Variants in TNFRSF10B observed in about 807,000 individuals in gnomAD.
TNFRSF10B encodes the protein TNF receptor superfamily member 10b.
TNFRSF10B carries 35 observed loss-of-function variants against 41.4 expected under a neutral mutation model. That is an observed-to-expected ratio of 0.85 (90% CI 0.65 to 1.12). The LOEUF (loss-of-function observed/expected upper bound fraction) is 1.12, where lower values mean the gene tolerates loss of function less well. Ranked by LOEUF, TNFRSF10B falls within the 50% of genes most tolerant of loss-of-function variation. The probability of loss-of-function intolerance (pLI) is 0.00; values close to 1 mark genes in which losing one functional copy is unlikely to be tolerated. For synonymous variants in TNFRSF10B, 230 were observed against 215.5 expected (o/e 1.07, Z -0.59); for missense variants, 584 against 552.7 (o/e 1.06, Z -0.57).
At chr8:23,068,249 GCAGC>G in intron 1 of TNFRSF10B, 1 of 168,062 alleles carries the variant, frequency 6.0e-6, no homozygotes, top group Non-Finnish European at 1.3e-5. Context: ...CCACTGGGCC[GCAGC>G]GACCACAGGG....
At chr8:23,036,838 C>T (rs568617296) in intron 2 of TNFRSF10B, among the ~76,000 whole-genome samples, 400 of 152,142 alleles carry the variant, frequency 2.6e-3, no homozygotes, top group Non-Finnish European at 4.4e-3. Flanking sequence ...AGCGAAACTC[C>T]GTCTCAAAAA....
intron 2 of TNFRSF10B, among the ~76,000 whole-genome samples, chr8:23,041,815 G>C (rs1272843411): frequency 1.3e-5 from 2 of 152,082 alleles, no homozygotes; most frequent in Non-Finnish European, 2.9e-5. Context: ...CTCTAGGATG[G>C]AAGTTCTCCA....
intron 2 of TNFRSF10B, among the ~76,000 whole-genome samples, chr8:23,040,147 C>T (rs1267388017): frequency 6.6e-6 from 1 of 150,696 alleles, no homozygotes; most frequent in Non-Finnish European, 1.5e-5. Context: ...CACCACTGCA[C>T]TCCAGCCTGG....
At chr8:23,067,861 T>C (rs1585232229) in intron 1 of TNFRSF10B, among the ~76,000 whole-genome samples, 1 of 152,286 alleles carries the variant, frequency 6.6e-6, no homozygotes, top group East Asian at 1.9e-4. Context: ...GCCCACACAC[T>C]TCCCCACTCT....
At chr8:23,030,206 G>T (rs1456717578) in intron 3 of TNFRSF10B, among the ~76,000 whole-genome samples, 1 of 152,204 alleles carries the variant, frequency 6.6e-6, no homozygotes, top group Non-Finnish European at 1.5e-5. Flanking sequence ...CTGAGATCCA[G>T]CCCTGTCCAC....
intron 1 of TNFRSF10B, chr8:23,049,983 T>A (rs1585221547): frequency 6.6e-6 from 1 of 152,266 alleles, no homozygotes; most frequent in African/African-American, 2.4e-5. Context: ...AGCTGTCAGG[T>A]GAGGTTTCCC....
rs1554508148 is a variant in TNFRSF10B, at chr8:23,029,601, C to T, written c.476+9G>A. 6.2e-7 allele frequency: 1 copy of T among 1,606,246 alleles called. No individual in the cohort carries two copies. The highest frequency in any genetic ancestry group is 1.1e-5 in the South Asian group (1 of 89,978). On this transcript the variant is annotated intron_variant, in intron 4 of 8. Transcript: ENST00000276431. ...TGGAGCTACTGGGAGCCCCCGGCTC[C>T]TGTCTCACCCTGTGCGGCACTTCCG...
rs570336334 is a variant in TNFRSF10B, at chr8:23,020,795, C to T, written c.*1876G>A. 2.5e-4 allele frequency: 114 copies of T among 454,094 alleles called. No individual in the cohort carries two copies. The highest frequency in any genetic ancestry group is 1.3e-3 in the East Asian group (18 of 14,400). 28.1% of individuals were successfully genotyped at this position (454,094 alleles called of 1,614,324 possible). Reference sequence around the variant, plus strand: ...GTGGAAGGGACAAGGGACCTGGGACCGGACTGGCACCTTCTGAGCCCTGAG... The same window carrying T: ...GTGGAAGGGACAAGGGACCTGGGACTGGACTGGCACCTTCTGAGCCCTGAG... On this transcript the variant is annotated 3_prime_UTR_variant, in exon 9 of 9. Coordinates refer to ENST00000276431, the MANE Select transcript of TNFRSF10B (RefSeq NM_003842.5).
chr8:23,032,210 A>C (rs954111153), intron 2 of TNFRSF10B, among the ~76,000 whole-genome samples: 3 of 152,224 alleles, frequency 2.0e-5, no homozygotes, highest in Non-Finnish European at 4.4e-5. Context: ...TATATTAGAC[A>C]GTGCCATCTT....
Position 23,043,337 on chromosome 8 carries a change from T to C in TNFRSF10B, c.145-94A>G, listed in dbSNP as rs186668364. 3,988 of 896,158 alleles carry C rather than the reference T, an allele frequency of 4.5e-3. 14 individuals carry two copies. The highest frequency in any genetic ancestry group is 5.8e-3 in the Non-Finnish European group (3,207 of 548,992). 55.5% of individuals were successfully genotyped at this position (896,158 alleles called of 1,614,324 possible). On this transcript the variant is annotated intron_variant, in intron 1 of 8. Transcript: ENST00000276431. Reference sequence around the variant, plus strand: ...TTCTCTTGAGCCCAGGCACCCAAGCTAAACAGAACCCTCATCTTTCTTGCA... The same window carrying C: ...TTCTCTTGAGCCCAGGCACCCAAGCCAAACAGAACCCTCATCTTTCTTGCA...
At position 23,020,244 on chromosome 8, in the gene TNFRSF10B, T is replaced by C. The variant is rs748748158; in HGVS notation, c.*2427A>G. On this transcript the variant is annotated 3_prime_UTR_variant, in exon 9 of 9. Transcript: ENST00000276431. ...TATAACACATTTCAAATAGGGACCT[T>C]TGACAGGGCAGAAGCATGAAAGGAC... is the stretch of plus-strand genomic sequence containing the variant. 15 of 453,892 alleles carry C rather than the reference T, an allele frequency of 3.3e-5. No individual in the cohort carries two copies. The highest frequency in any genetic ancestry group is 2.3e-4 in the South Asian group (15 of 64,468). The allele number at this position is 453,892 out of a possible 1,614,324, so 28.1% of individuals were successfully genotyped here.
chr8:23,046,576 A>C (rs1217285009), intron 1 of TNFRSF10B, among the ~76,000 whole-genome samples: 1 of 151,224 alleles, frequency 6.6e-6, no homozygotes, highest in Non-Finnish European at 1.5e-5. Context: ...CATTTTTCAT[A>C]GAAATAGAGA....
intron 1 of TNFRSF10B, among the ~76,000 whole-genome samples, chr8:23,062,175 G>T (rs1169726080): frequency 6.6e-6 from 1 of 151,996 alleles, no homozygotes; most frequent in Non-Finnish European, 1.5e-5. Flanking sequence ...TAGTATTGAA[G>T]AATCAATGTT....
chr8:23,027,503 T>TG (rs1429109704), intron 6 of TNFRSF10B: 2 of 783,862 alleles, frequency 2.6e-6, no homozygotes, highest in Non-Finnish European at 4.1e-6. Flanking sequence ...GGGTGCAGGC[T>TG]GTGGGGTGAG....
At chr8:23,044,323 G>A (rs920283657) in intron 1 of TNFRSF10B, among the ~76,000 whole-genome samples, 1 of 152,146 alleles carries the variant, frequency 6.6e-6, no homozygotes, top group Non-Finnish European at 1.5e-5. Context: ...TAGATAAATT[G>A]CACTATGTAA....
intron 2 of TNFRSF10B, among the ~76,000 whole-genome samples, chr8:23,038,712 G>A (rs1022701043): frequency 2.0e-5 from 3 of 152,166 alleles, no homozygotes; most frequent in Admixed American, 1.3e-4. Flanking sequence ...GCTGTATTAT[G>A]TTAGGTGGAA....
chr8:23,027,690 TGAGCCCCC>T, intron 6 of TNFRSF10B, 24 bp downstream of exon 6: 2 of 1,613,890 alleles, frequency 1.2e-6, no homozygotes, highest in Non-Finnish European at 1.7e-6. Context: ...CCTGAACCCC[TGAGCCCCC>T]AGCTCCTGGA....
intron 1 of TNFRSF10B, chr8:23,049,930 G>A (rs1484189678): frequency 2.0e-5 from 3 of 152,232 alleles, no homozygotes; most frequent in Admixed American, 6.5e-5. Flanking sequence ...CGCGTTCAGC[G>A]GCTGGTAGCT....
At chr8:23,050,354 T>A (rs1237364619) in intron 1 of TNFRSF10B, among the ~76,000 whole-genome samples, 2 of 152,182 alleles carry the variant, frequency 1.3e-5, no homozygotes, top group Admixed American at 1.3e-4. Context: ...AAGTATTGGG[T>A]CCATCTCTGC....
Sources: gnomAD v4.1 joint callset for allele counts (sites outside exome capture counted in the v4.1 genomes callset) on GRCh38, gnomAD v4.1.1 for gene constraint, MANE v1.5 for transcripts, NCBI Gene and HGNC (gene_info 2026-07-23, HGNC 2026-07-21) for gene names.